The following CMSS1 variants were observed in gnomAD, a reference collection of about 807,000 sequenced individuals.
The protein encoded by CMSS1 is cms1 ribosomal small subunit homolog.
In CMSS1, 33 loss-of-function variants were observed where a neutral mutation model predicts 43.5. That is an observed-to-expected ratio of 0.76 (90% CI 0.57 to 1.01). The LOEUF (loss-of-function observed/expected upper bound fraction) is 1.01. CMSS1 is among the 50% of genes least tolerant of loss of function. CMSS1 has a pLI of 0.00. For missense variants in CMSS1, 313 were observed against 326.4 expected (o/e 0.96, Z 0.32); for synonymous variants, 115 against 117.2 (o/e 0.98, Z 0.12).
intron 1 of CMSS1, among the ~76,000 whole-genome samples, chr3:99,828,708 A>T (rs1343353675): frequency 6.7e-6 from 1 of 149,620 alleles, no homozygotes; most frequent in East Asian, 2.0e-4. Flanking sequence ...CTCTCACCTC[A>T]GCCTCCCAAA....
chr3:99,951,783 T>C lies in CMSS1; in HGVS notation c.64+133740T>C, dbSNP rs147572788. Reference sequence around the variant, plus strand: ...GTAAGGAGCCAAACAGTAAATATTTTAGGTTTTGCAGTTTCTGCCACAACT... The same window carrying C: ...GTAAGGAGCCAAACAGTAAATATTTCAGGTTTTGCAGTTTCTGCCACAACT... On this transcript the variant is annotated intron_variant, in intron 1 of 9. Transcript: ENST00000421999. Among the ~76,000 whole-genome samples the C allele has an allele frequency of 5.0e-3, 761 of 152,314 alleles. 5 individuals are homozygous for C. Among genetic ancestry groups the C allele is most frequent in the Admixed American group, 8.2e-3 (126 of 15,298 alleles).
At chr3:100,029,886 A>C (rs956056413) in intron 1 of CMSS1, among the ~76,000 whole-genome samples, 3 of 152,210 alleles carry the variant, frequency 2.0e-5, no homozygotes, top group Non-Finnish European at 4.4e-5. Context: ...ACTATATGTC[A>C]TCTGGAAAGC....
intron 1 of CMSS1, among the ~76,000 whole-genome samples, chr3:99,833,572 C>G (rs1053022353): frequency 3.3e-5 from 5 of 152,252 alleles, no homozygotes; most frequent in African/African-American, 1.2e-4. Flanking sequence ...TATCAGATCT[C>G]AGACAGCTGG....
chr3:99,978,438 G>T (rs1325722292), intron 1 of CMSS1, among the ~76,000 whole-genome samples: 6 of 152,174 alleles, frequency 3.9e-5, no homozygotes, highest in Non-Finnish European at 1.5e-5. Context: ...CTACACAATG[G>T]AATACTAGTC....
intron 1 of CMSS1, among the ~76,000 whole-genome samples, chr3:100,139,283 A>G (rs748984210): frequency 1.4e-4 from 22 of 152,116 alleles, no homozygotes; most frequent in Non-Finnish European, 2.2e-4. Flanking sequence ...ACAAACCTGC[A>G]CGTTCTGCAC....
At chr3:99,848,472 A>T (rs1227195296) in intron 1 of CMSS1, 1 of 1,614,152 alleles carries the variant, frequency 6.2e-7, no homozygotes, top group South Asian at 1.1e-5. Flanking sequence ...GCATGTAAGG[A>T]CTTCCTAAGT....
intron 1 of CMSS1, among the ~76,000 whole-genome samples, chr3:99,831,044 C>T (rs1392133254): frequency 6.6e-6 from 1 of 152,096 alleles, no homozygotes; most frequent in Non-Finnish European, 1.5e-5. Flanking sequence ...TGGGCAGCTC[C>T]AATGATGATT....
chr3:99,864,243 A>G (rs1944402520), intron 1 of CMSS1, among the ~76,000 whole-genome samples: 1 of 152,150 alleles, frequency 6.6e-6, no homozygotes, highest in African/African-American at 2.4e-5. Flanking sequence ...ACTGAGGCCC[A>G]GGCAGATTAA....
chr3:99,872,757 T>A (rs2107586032), intron 1 of CMSS1, among the ~76,000 whole-genome samples: 1 of 152,334 alleles, frequency 6.6e-6, no homozygotes, highest in South Asian at 2.1e-4. Context: ...TATCTTAATC[T>A]GCTAAAGCAT....
At chr3:100,062,770 C>T (rs2065596123) in intron 1 of CMSS1, among the ~76,000 whole-genome samples, 2 of 152,178 alleles carry the variant, frequency 1.3e-5, no homozygotes, top group Non-Finnish European at 2.9e-5. Context: ...AAGCTTTGTC[C>T]TGGTTCCTCA....
chr3:100,161,932 C>A (rs891284970), intron 3 of CMSS1, among the ~76,000 whole-genome samples: 1 of 152,102 alleles, frequency 6.6e-6, no homozygotes, highest in Admixed American at 6.5e-5. Flanking sequence ...AAGAAATTCT[C>A]AAAATTCTAA....
intron 1 of CMSS1, among the ~76,000 whole-genome samples, chr3:100,107,194 CT>C (rs2066410151): frequency 6.6e-6 from 1 of 152,100 alleles, no homozygotes; most frequent in African/African-American, 2.4e-5. Flanking sequence ...TTTGAGTTCT[CT>C]TTTCAACTGA....
At chr3:100,099,624 G>T (rs574726725) in intron 1 of CMSS1, among the ~76,000 whole-genome samples, 1 of 152,210 alleles carries the variant, frequency 6.6e-6, no homozygotes, top group Admixed American at 6.5e-5. Context: ...TCTTCCTAAG[G>T]TGATAAGCAA....
intron 1 of CMSS1, among the ~76,000 whole-genome samples, chr3:99,978,699 A>G (rs1010684716): frequency 5.9e-5 from 9 of 152,210 alleles, no homozygotes; most frequent in African/African-American, 1.9e-4. Context: ...GATCAATACC[A>G]GCCTGGCTAA....
At chr3:99,905,119 C>T (rs541376670) in intron 1 of CMSS1, among the ~76,000 whole-genome samples, 84 of 152,310 alleles carry the variant, frequency 5.5e-4, no homozygotes, top group African/African-American at 2.0e-3. Flanking sequence ...TCATAGACTG[C>T]TTCTTGTCTA....
intron 1 of CMSS1, among the ~76,000 whole-genome samples, chr3:99,925,632 G>A (rs1707267936): frequency 6.6e-6 from 1 of 152,178 alleles, no homozygotes; most frequent in African/African-American, 2.4e-5. Flanking sequence ...TGTCCAGCTG[G>A]TACCCTTAGG....
intron 8 of CMSS1, among the ~76,000 whole-genome samples, chr3:100,176,037 C>T (rs2067145491): frequency 6.6e-6 from 1 of 152,168 alleles, no homozygotes; most frequent in African/African-American, 2.4e-5. Flanking sequence ...ACTATAGCCT[C>T]TGGGGCTTCA....
intron 1 of CMSS1, among the ~76,000 whole-genome samples, chr3:100,086,486 T>C (rs978134035): frequency 2.0e-5 from 3 of 152,210 alleles, no homozygotes; most frequent in African/African-American, 7.2e-5. Flanking sequence ...AACTCCTAGT[T>C]GATACTCAAA....
rs1004750150 is a variant in CMSS1 at position 99,909,973 on chromosome 3, C to T, written c.64+91930C>T. Among the ~76,000 whole-genome samples the T allele has an allele frequency of 2.4e-5, 2 of 83,456 alleles. 1 individual carries two copies. Among genetic ancestry groups the T allele is most frequent in the Non-Finnish European group, 6.5e-5 (2 of 30,926 alleles). The allele number at this position is 83,456 out of a possible 152,430, so 54.8% of individuals were successfully genotyped here. On this transcript the variant is annotated intron_variant, in intron 1 of 9. Coordinates refer to ENST00000421999, the MANE Select transcript of CMSS1 (RefSeq NM_032359.4). ...AAAATGAGTGAGAAATTTCAGTTCTCGGGGCAAAATGTGTATTCAGAGCTG... is the reference window on the plus strand; with the variant it reads ...AAAATGAGTGAGAAATTTCAGTTCTTGGGGCAAAATGTGTATTCAGAGCTG...
Sources: gnomAD v4.1 joint callset for allele counts (sites outside exome capture counted in the v4.1 genomes callset) on GRCh38, gnomAD v4.1.1 for gene constraint, MANE v1.5 for transcripts, NCBI Gene and HGNC (gene_info 2026-07-23, HGNC 2026-07-21) for gene names.